The following FOXK2 variants were observed in gnomAD, a reference collection of about 807,000 sequenced individuals.
FOXK2 encodes forkhead box protein K2.
In FOXK2, 24 loss-of-function variants were observed where a neutral mutation model predicts 53.3. That is an observed-to-expected ratio of 0.45 (90% CI 0.33 to 0.63). The LOEUF is 0.63. Among genes scored for constraint, FOXK2 ranks in the 30% least tolerant of loss-of-function variants. FOXK2 has a pLI of 0.03. For synonymous variants in FOXK2, 505 were observed against 407.1 expected, an observed-to-expected ratio of 1.24 and a Z score of -2.89; for missense variants, 952 against 910.5, an observed-to-expected ratio of 1.05 and a Z score of -0.59.
Position 82,584,164 on chromosome 17 carries a change from G to A in FOXK2, c.1255G>A (p.Ala419Thr), listed in dbSNP as rs1301423563. The change falls in exon 6 of 9, where the codon GCC (alanine) becomes ACC (threonine). Residue 419 changes from alanine to threonine, a missense_variant. Physicochemically the swap from Ala to Thr is moderately conservative, Grantham distance 58 (BLOSUM62 0). Coordinates refer to ENST00000335255, the MANE Select transcript of FOXK2 (RefSeq NM_004514.4). Reference protein sequence around the residue: ...AQPKLAVIQEARFAQSAPGSP... With the variant: ...AQPKLAVIQETRFAQSAPGSP... ...GCCCAAACTCGCTGTCATCCAGGAA[G>A]CCCGGTTTGCCCAGAGCGCCCCAGG... 6.2e-7 allele frequency: 1 copy of A among 1,606,920 alleles called. No homozygotes were observed. Among genetic ancestry groups the A allele is most frequent in the East Asian group, 2.2e-5 (1 of 44,758 alleles).
In FOXK2 at chr17:82,520,742, TTTG is replaced by T. The variant is rs771400453; in HGVS notation, c.419+450_419+452del. ...ACCGATGAAGGGTTGTCTGTTGTCT[TTTG>T]TTGTTGTTGTTGTTCAGTCGTTTTC... is the stretch of plus-strand genomic sequence containing the variant. On this transcript the variant is annotated intron_variant, in intron 1 of 8. Coordinates refer to ENST00000335255, the MANE Select transcript of FOXK2 (RefSeq NM_004514.4). 3.0e-3 allele frequency among the ~76,000 whole-genome samples: 463 copies of T among 152,258 alleles called. 1 individual carries two copies. Among genetic ancestry groups the T allele is most frequent in the African/African-American group, 0.01 (422 of 41,556 alleles).
chr17:82,537,619 CA>C (rs963026198), intron 1 of FOXK2, among the ~76,000 whole-genome samples: 13,575 of 53,044 alleles, frequency 0.26, 366 homozygotes, highest in Non-Finnish European at 0.29. Context: ...GACTCCATCT[CA>C]AAAAAAAAAA....
chr17:82,540,857 G>C (rs555530721), intron 1 of FOXK2, among the ~76,000 whole-genome samples: 1 of 152,112 alleles, frequency 6.6e-6, no homozygotes, highest in South Asian at 2.1e-4. Context: ...TTTTCCCAGC[G>C]CATCACACCT....
chr17:82,592,776 C>T (rs978491682), intron 8 of FOXK2, among the ~76,000 whole-genome samples: 5 of 152,300 alleles, frequency 3.3e-5, no homozygotes, highest in East Asian at 1.9e-4. Flanking sequence ...TGAGGGCGCA[C>T]GCTTCGCAGT....
intron 1 of FOXK2, among the ~76,000 whole-genome samples, chr17:82,536,832 T>C (rs1167631986): frequency 6.6e-6 from 1 of 152,250 alleles, no homozygotes; most frequent in Non-Finnish European, 1.5e-5. Flanking sequence ...TGTTGTATGT[T>C]GGGACTGTAA....
chr17:82,599,236 T>A (rs1294960074), intron 8 of FOXK2: 2 of 152,102 alleles, frequency 1.3e-5, no homozygotes, highest in Non-Finnish European at 2.9e-5. Context: ...TAGTTGGGAC[T>A]ATAGGCCCCC....
intron 1 of FOXK2, among the ~76,000 whole-genome samples, chr17:82,530,239 C>A (rs547505323): frequency 2.0e-5 from 3 of 152,150 alleles, no homozygotes; most frequent in African/African-American, 7.2e-5. Flanking sequence ...GCCTGTCATC[C>A]CAGCACTTTG....
chr17:82,586,548 C>CCGG (rs113255929), intron 7 of FOXK2, among the ~76,000 whole-genome samples: 1 of 57,544 alleles, frequency 1.7e-5, no homozygotes, highest in East Asian at 4.7e-4. Context: ...CAAAGGTAGG[C>CCGG]GGAGGGGAAA....
intron 4 of FOXK2, among the ~76,000 whole-genome samples, chr17:82,574,112 G>C (rs1362790760): frequency 6.6e-6 from 1 of 152,190 alleles, no homozygotes; most frequent in Non-Finnish European, 1.5e-5. Context: ...CACACGTCAG[G>C]CACCCTTCTC....
chr17:82,592,981 G>C (rs1377591282), intron 8 of FOXK2, among the ~76,000 whole-genome samples: 1 of 150,948 alleles, frequency 6.6e-6, no homozygotes, highest in Non-Finnish European at 1.5e-5. Context: ...AGCAGACCCA[G>C]TGAAGGTCTC....
intron 7 of FOXK2, 29 bp downstream of exon 7, chr17:82,586,229 AGACCACAGGGAGG>A (rs2045146429): frequency 8.1e-7 from 1 of 1,236,382 alleles, no homozygotes; most frequent in African/African-American, 1.6e-5. Context: ...AGGAGAGGGG[AGACCACAGGGAGG>A]TGAAAGGTGG....
In FOXK2 at chr17:82,584,645, G is replaced by A. The variant is rs148402459; in HGVS notation, c.1279+457G>A. ...GCAACCTCTGCCTCCCAGGTTCAAA[G>A]AATTCTCCTGCCTCAGCTTCCCGAG... On this transcript the variant is annotated intron_variant, in intron 6 of 8. Coordinates refer to ENST00000335255, the MANE Select transcript of FOXK2 (RefSeq NM_004514.4). 1.0e-2 allele frequency among the ~76,000 whole-genome samples: 1,355 copies of A among 136,170 alleles called. 20 individuals carry two copies. The highest frequency in any genetic ancestry group is 0.034 in the African/African-American group (1,258 of 37,500). 89.3% of individuals were successfully genotyped at this position (136,170 alleles called of 152,430 possible).
chr17:82,524,700 C>G (rs1438129111), intron 1 of FOXK2, among the ~76,000 whole-genome samples: 1 of 152,194 alleles, frequency 6.6e-6, no homozygotes, highest in African/African-American at 2.4e-5. Flanking sequence ...GTTTTCCTCT[C>G]TTAGAGCCTC....
chr17:82,543,260 T>C (rs1182868486), intron 1 of FOXK2, among the ~76,000 whole-genome samples: 1 of 152,232 alleles, frequency 6.6e-6, no homozygotes, highest in Non-Finnish European at 1.5e-5. Context: ...TTGTGTTGTG[T>C]TGTTTTAGAG....
intron 1 of FOXK2, among the ~76,000 whole-genome samples, chr17:82,521,772 T>TTCA (rs2044364479): frequency 1.2e-5 from 1 of 84,292 alleles, no homozygotes; most frequent in Non-Finnish European, 2.7e-5. Flanking sequence ...CTACTAAAAA[T>TTCA]ACAAAAAAAA....
intron 1 of FOXK2, among the ~76,000 whole-genome samples, chr17:82,528,079 C>T (rs951033763): frequency 5.9e-5 from 9 of 152,066 alleles, no homozygotes; most frequent in African/African-American, 1.7e-4. Context: ...ATTACAGGTG[C>T]GAGCCACCCT....
chr17:82,597,283 C>T (rs1020445758), intron 8 of FOXK2, among the ~76,000 whole-genome samples: 1 of 152,230 alleles, frequency 6.6e-6, no homozygotes, highest in African/African-American at 2.4e-5. Context: ...AGAGTCAGTG[C>T]CTTCCCAAGA....
At chr17:82,547,002 G>A (rs543778759) in intron 1 of FOXK2, among the ~76,000 whole-genome samples, 59 of 151,598 alleles carry the variant, frequency 3.9e-4, no homozygotes, top group Middle Eastern at 3.4e-3. Flanking sequence ...ACTTGAACCC[G>A]GGAGGTGGAG....
chr17:82,568,135 C>G lies in FOXK2; in HGVS notation c.696C>G (p.Leu232=). ...YKVGRVMPSD[L]NLMADNSQPE... The stretch of plus-strand genomic sequence containing the variant: ...TGGGCCGAGTGATGCCATCTGACCT[C>G]AATTTAATGGCTGACAACTCACAGC... The change falls in exon 3 of 9, where the codon CTC becomes CTG. Residue 232 remains leucine, a synonymous_variant. Transcript: ENST00000335255. 1 of 1,613,860 alleles carries G rather than the reference C, an allele frequency of 6.2e-7. No individual in the cohort carries two copies. The highest frequency in any genetic ancestry group is 8.5e-7 in the Non-Finnish European group (1 of 1,179,990).
Sources: gnomAD v4.1 joint callset for allele counts (sites outside exome capture counted in the v4.1 genomes callset) on GRCh38, gnomAD v4.1.1 for gene constraint, MANE v1.5 for transcripts, NCBI Gene and HGNC (gene_info 2026-07-23, HGNC 2026-07-21) for gene names.